AGMO: variants seen among roughly 807,000 people sequenced by gnomAD.
The protein encoded by AGMO is alkylglycerol monooxygenase, also known as glyceryl-ether monooxygenase.
Under a neutral mutation model 60.2 loss-of-function variants are expected in AGMO, and 75 were observed. The observed-to-expected ratio is 1.25, with a 90% CI of 1.03 to 1.51. The LOEUF (loss-of-function observed/expected upper bound fraction) is 1.51. Among genes scored for constraint, AGMO ranks in the 40% most tolerant of loss-of-function variants. The pLI is 0.00. For missense variants in AGMO, 763 were observed against 525.5 expected (o/e 1.45, Z -4.42); for synonymous variants, 261 against 177.1 (o/e 1.47, Z -3.76).
At chr7:15,226,659 G>C (rs1782092164) in intron 12 of AGMO, among the ~76,000 whole-genome samples, 1 of 151,968 alleles carries the variant, frequency 6.6e-6, no homozygotes, top group Admixed American at 6.6e-5. Flanking sequence ...TAACCCTGAA[G>C]AAAACAGTCC....
At chr7:15,545,942 G>C (rs1432281823) in intron 2 of AGMO, among the ~76,000 whole-genome samples, 1 of 151,970 alleles carries the variant, frequency 6.6e-6, no homozygotes, top group African/African-American at 2.4e-5. Context: ...GTTTGGTGCT[G>C]AAAATTCTGA....
At chr7:15,534,684 C>T (rs1784445814) in intron 3 of AGMO, among the ~76,000 whole-genome samples, 1 of 151,628 alleles carries the variant, frequency 6.6e-6, no homozygotes, top group Non-Finnish European at 1.5e-5. Context: ...GTTTCCCTAG[C>T]TTTGGATTAT....
chr7:15,461,485 A>G (rs911519714), intron 3 of AGMO, among the ~76,000 whole-genome samples: 8 of 54,776 alleles, frequency 1.5e-4, no homozygotes, highest in African/African-American at 5.8e-4. Context: ...GTGAAAAACT[A>G]AAGGAAAAGG....
chr7:15,298,625 C>G (rs534378862), intron 12 of AGMO, among the ~76,000 whole-genome samples: 9 of 152,212 alleles, frequency 5.9e-5, no homozygotes, highest in Non-Finnish European at 1.2e-4. Context: ...TAGTCTTGAA[C>G]CCCTGGGCTT....
chr7:15,394,282 G>C (rs553559298), intron 5 of AGMO, 103 bp from the exon 6 acceptor site: 2 of 884,524 alleles, frequency 2.3e-6, no homozygotes, highest in African/African-American at 1.7e-5. Flanking sequence ...GAGATATTGC[G>C]AATTTCAGGG....
intron 12 of AGMO, among the ~76,000 whole-genome samples, chr7:15,340,183 A>C (rs1419126837): frequency 6.6e-6 from 1 of 152,210 alleles, no homozygotes; most frequent in African/African-American, 2.4e-5. Context: ...ACATAGCCTG[A>C]AGGTAATTTT....
At chr7:15,343,132 A>T (rs886927486) in intron 12 of AGMO, among the ~76,000 whole-genome samples, 3 of 152,164 alleles carry the variant, frequency 2.0e-5, no homozygotes, top group Admixed American at 6.5e-5. Flanking sequence ...TGATATTCAG[A>T]TTCTGAAGAC....
chr7:15,273,350 A>C (rs186700803), intron 12 of AGMO, among the ~76,000 whole-genome samples: 93 of 152,318 alleles, frequency 6.1e-4, no homozygotes, highest in African/African-American at 1.9e-3. Flanking sequence ...ACATATGGCT[A>C]GTCAGTTTTC....
intron 4 of AGMO, among the ~76,000 whole-genome samples, chr7:15,420,854 A>AGTTTC (rs1170001890): frequency 6.6e-6 from 1 of 152,108 alleles, no homozygotes; most frequent in Non-Finnish European, 1.5e-5. Context: ...TCTGACTCTT[A>AGTTTC]GTTTCTTTAG....
At chr7:15,557,080 A>G (rs571187673) in intron 2 of AGMO, among the ~76,000 whole-genome samples, 1 of 152,170 alleles carries the variant, frequency 6.6e-6, no homozygotes, top group East Asian at 1.9e-4. Context: ...TCAACATGGT[A>G]GGCACGCTAT....
intron 12 of AGMO, among the ~76,000 whole-genome samples, chr7:15,231,219 G>T (rs1278770974): frequency 6.6e-6 from 1 of 152,214 alleles, no homozygotes; most frequent in African/African-American, 2.4e-5. Flanking sequence ...GCAAATGGAA[G>T]TTGCAGTAGG....
chr7:15,368,120 C>A (rs1183853768), intron 10 of AGMO, among the ~76,000 whole-genome samples: 3 of 151,770 alleles, frequency 2.0e-5, no homozygotes, highest in Non-Finnish European at 2.9e-5. Flanking sequence ...AATCTGAATA[C>A]AAAAGGATTA....
intron 6 of AGMO, among the ~76,000 whole-genome samples, chr7:15,393,020 G>A (rs1401558588): frequency 6.6e-6 from 1 of 152,174 alleles, no homozygotes; most frequent in African/African-American, 2.4e-5. Flanking sequence ...CGGCTATATG[G>A]GTTCTCAAGG....
intron 3 of AGMO, among the ~76,000 whole-genome samples, chr7:15,527,495 T>C (rs368876695): frequency 6.6e-6 from 1 of 152,214 alleles, no homozygotes; most frequent in East Asian, 1.9e-4. Context: ...CAGAGGTTGG[T>C]TCATGAGGTT....
intron 3 of AGMO, among the ~76,000 whole-genome samples, chr7:15,495,702 A>G (rs1269952674): frequency 2.0e-5 from 3 of 152,116 alleles, no homozygotes; most frequent in Non-Finnish European, 2.9e-5. Flanking sequence ...CGAGAAGTCC[A>G]AGATCAAGGT....
At chr7:15,385,654 CTATTT>C (rs1372254192) in intron 9 of AGMO, 92 bp from the exon 10 acceptor site, 1 of 735,454 alleles carries the variant, frequency 1.4e-6, no homozygotes, top group Admixed American at 2.5e-5. Context: ...AAAGTATCTG[CTATTT>C]TTTTTAAAAA....
the AGMO span, among the ~76,000 whole-genome samples, chr7:15,185,919 G>A: frequency 1.3e-5 from 2 of 152,132 alleles, no homozygotes; most frequent in African/African-American, 4.8e-5. Context: ...GTATAGCTCT[G>A]CCTCATAATG....
chr7:15,529,098 T>C (rs1392801662), intron 3 of AGMO, among the ~76,000 whole-genome samples: 1 of 152,068 alleles, frequency 6.6e-6, no homozygotes, highest in Non-Finnish European at 1.5e-5. Flanking sequence ...AAACAGACAT[T>C]CTCAGCTTAA....
chr7:15,152,542 T>C, the AGMO span, among the ~76,000 whole-genome samples: 1 of 152,134 alleles, frequency 6.6e-6, no homozygotes, highest in Non-Finnish European at 1.5e-5. Flanking sequence ...TTAATTAGTA[T>C]GTCTTTTCAT....
Sources: gnomAD v4.1 joint callset for allele counts (sites outside exome capture counted in the v4.1 genomes callset) on GRCh38, gnomAD v4.1.1 for gene constraint, MANE v1.5 for transcripts, NCBI Gene and HGNC (gene_info 2026-07-23, HGNC 2026-07-21) for gene names.